Variants in ERC1 observed in about 807,000 individuals in gnomAD.
ERC1 encodes RAB6 interacting protein 2.
In ERC1, 56 loss-of-function variants were observed where a neutral mutation model predicts 132.0. The ratio of observed to expected loss-of-function variants is 0.42; its 90% CI spans 0.34 to 0.53. The LOEUF (loss-of-function observed/expected upper bound fraction) is 0.53, where lower values mean the gene tolerates loss of function less well. ERC1 is among the 20% of genes least tolerant of loss of function. The probability of loss-of-function intolerance (pLI) is 0.03; values close to 1 mark genes in which losing one functional copy is unlikely to be tolerated. For synonymous variants in ERC1, 478 were observed against 476.1 expected, an observed-to-expected ratio of 1.00 and a Z score of -0.05; for missense variants, 1,202 against 1,349.9, an observed-to-expected ratio of 0.89 and a Z score of 1.72.
Position 1,110,196 on chromosome 12 carries a change from CA to C in ERC1, c.1171del (p.Ile391PhefsTer18). ...ALQTVIEMKD[S>X]KISSMERGLR... ...TAAATCTTCCATTGTCTTCAGGATTCAAAAATTTCCTCTATGGAGCGTGGGC... is the reference window on the plus strand; with the variant it reads ...TAAATCTTCCATTGTCTTCAGGATTCAAAATTTCCTCTATGGAGCGTGGGC... On this transcript the variant is annotated frameshift_variant, in exon 5 of 19. Transcript: ENST00000360905. LOFTEE classifies it high-confidence loss of function. 3 of 1,601,710 alleles carry C rather than the reference CA, an allele frequency of 1.9e-6. No individual in the cohort carries two copies. Among genetic ancestry groups the C allele is most frequent in the Non-Finnish European group, 2.6e-6 (3 of 1,176,038 alleles).
chr12:1,180,819 G>A (rs1954369006), intron 9 of ERC1, 142 bp downstream of exon 9: 2 of 1,008,462 alleles, frequency 2.0e-6, no homozygotes, highest in Admixed American at 5.0e-5. Flanking sequence ...TAGTGTGAAG[G>A]GAAACATTTT....
intron 17 of ERC1, 137 bp from the exon 18 acceptor site, chr12:1,444,425 A>G (rs1035979575): frequency 6.7e-6 from 4 of 596,054 alleles, no homozygotes; most frequent in Admixed American, 6.6e-5. Context: ...TGAAGATTTC[A>G]GTAGTGATTA....
intron 17 of ERC1, among the ~76,000 whole-genome samples, chr12:1,421,474 A>G (rs1262279276): frequency 6.6e-6 from 1 of 152,106 alleles, no homozygotes; most frequent in Non-Finnish European, 1.5e-5. Context: ...GAGGTGTCAA[A>G]AGCTATCTTC....
At chr12:1,393,528 G>A (rs983201501) in intron 16 of ERC1, among the ~76,000 whole-genome samples, 12 of 150,978 alleles carry the variant, frequency 7.9e-5, no homozygotes, top group African/African-American at 2.4e-4. Context: ...AGGAGACCCT[G>A]TCTCAATTTA....
chr12:1,137,624 C>G (rs1299616525), intron 7 of ERC1, among the ~76,000 whole-genome samples: 1 of 151,208 alleles, frequency 6.6e-6, no homozygotes, highest in Non-Finnish European at 1.5e-5. Context: ...CCGAGGCAGG[C>G]AGATCACCTG....
chr12:1,190,509 G>A (rs564449071), intron 12 of ERC1, among the ~76,000 whole-genome samples: 4 of 152,178 alleles, frequency 2.6e-5, no homozygotes, highest in South Asian at 4.2e-4. Context: ...TGAAAAGCAC[G>A]CTGTTACTTC....
intron 18 of ERC1, among the ~76,000 whole-genome samples, chr12:1,463,844 A>G (rs2154423552): frequency 6.6e-6 from 1 of 152,168 alleles, no homozygotes; most frequent in African/African-American, 2.4e-5. Context: ...TAATGCGAAG[A>G]CAAGGGTATC....
intron 15 of ERC1, among the ~76,000 whole-genome samples, chr12:1,365,019 C>G (rs77261432): frequency 0.025 from 3,749 of 152,214 alleles, 76 homozygotes; most frequent in South Asian, 0.087. Context: ...TCTGTTTTTG[C>G]AAAACCTACC....
chr12:1,290,718 A>C (rs2079388253), intron 15 of ERC1, among the ~76,000 whole-genome samples: 2 of 151,910 alleles, frequency 1.3e-5, no homozygotes, highest in South Asian at 4.2e-4. Flanking sequence ...TAAAGACCCT[A>C]CTGCTATTTT....
At chr12:1,377,826 T>A (rs2088129400) in intron 16 of ERC1, among the ~76,000 whole-genome samples, 1 of 152,186 alleles carries the variant, frequency 6.6e-6, no homozygotes, top group Non-Finnish European at 1.5e-5. Flanking sequence ...AAATCATTAT[T>A]TGGACTAAAA....
intron 15 of ERC1, among the ~76,000 whole-genome samples, chr12:1,337,177 G>A (rs1168778235): frequency 1.3e-5 from 2 of 152,158 alleles, no homozygotes; most frequent in African/African-American, 4.8e-5. Flanking sequence ...TTGTGTGGGA[G>A]TCTAAGTCTC....
chr12:1,434,130 T>C (rs1374516715), intron 17 of ERC1, among the ~76,000 whole-genome samples: 1 of 152,150 alleles, frequency 6.6e-6, no homozygotes, highest in Non-Finnish European at 1.5e-5. Context: ...TTAGATTTTA[T>C]CATTTCACTC....
intron 1 of ERC1, among the ~76,000 whole-genome samples, chr12:1,027,208 A>C (rs939268949): frequency 6.6e-6 from 1 of 152,194 alleles, no homozygotes; most frequent in Admixed American, 6.5e-5. Context: ...AGTTGTTACT[A>C]CTGATGTATA....
At chr12:1,138,656 A>G (rs2968896) in intron 7 of ERC1, among the ~76,000 whole-genome samples, 8,905 of 152,026 alleles carry the variant, frequency 0.059, 849 homozygotes, top group African/African-American at 0.2. Flanking sequence ...ATAGGACAAA[A>G]TGTGAACAAT....
At chr12:1,118,229 T>C (rs923924385) in intron 7 of ERC1, among the ~76,000 whole-genome samples, 2 of 152,232 alleles carry the variant, frequency 1.3e-5, no homozygotes, top group Admixed American at 6.5e-5. Context: ...GTAATAGCTT[T>C]GGATGGAGGT....
At chr12:1,009,211 G>C (rs1260230656) in intron 1 of ERC1, among the ~76,000 whole-genome samples, 2 of 149,330 alleles carry the variant, frequency 1.3e-5, no homozygotes, top group African/African-American at 4.9e-5. Flanking sequence ...GTCTCTCTCT[G>C]TCGCCCAGGC....
chr12:991,154 G>C (rs1316260391), upstream of ERC1: 1 of 150,402 alleles, frequency 6.6e-6, no homozygotes, highest in Non-Finnish European at 1.5e-5. Context: ...GGGGAGGCGC[G>C]CTGCGCCCCG....
At chr12:1,064,420 G>T (rs1295499830) in intron 2 of ERC1, among the ~76,000 whole-genome samples, 2 of 151,864 alleles carry the variant, frequency 1.3e-5, no homozygotes, top group Admixed American at 6.6e-5. Context: ...TTAGAGATAG[G>T]GTCTTGCTCC....
intron 15 of ERC1, among the ~76,000 whole-genome samples, chr12:1,318,072 A>G (rs1226119614): frequency 6.6e-6 from 1 of 152,250 alleles, no homozygotes; most frequent in African/African-American, 2.4e-5. Context: ...ATAAGTATAT[A>G]TGAGCTTTCA....
Sources: gnomAD v4.1 joint callset for allele counts (sites outside exome capture counted in the v4.1 genomes callset) on GRCh38, gnomAD v4.1.1 for gene constraint, MANE v1.5 for transcripts, NCBI Gene and HGNC (gene_info 2026-07-23, HGNC 2026-07-21) for gene names.